The following KLHL5 variants were observed in gnomAD, a reference collection of about 807,000 sequenced individuals.
KLHL5 encodes the protein kelch like family member 5.
A neutral mutation model predicts 77.7 loss-of-function variants in KLHL5; 48 were observed. The observed-to-expected ratio is 0.62, with a 90% confidence interval of 0.49 to 0.79. The LOEUF (loss-of-function observed/expected upper bound fraction) is 0.79, where lower values mean the gene tolerates loss of function less well. Among genes scored for constraint, KLHL5 ranks in the 30% least tolerant of loss-of-function variants. The pLI is 0.00. For synonymous variants in KLHL5, 260 were observed against 297.0 expected, an observed-to-expected ratio of 0.88 and a Z score of 1.28; for missense variants, 723 against 859.7, an observed-to-expected ratio of 0.84 and a Z score of 1.99.
chr4:39,061,373 A>G (rs528557626), upstream of KLHL5, among the ~76,000 whole-genome samples: 2 of 152,312 alleles, frequency 1.3e-5, no homozygotes, highest in African/African-American at 4.8e-5. Context: ...TGAAAACTCA[A>G]ATTCTGCATT....
At chr4:39,131,016 T>C (rs1282794525), downstream of KLHL5, among the ~76,000 whole-genome samples, 4 of 75,846 alleles carry the variant, frequency 5.3e-5, no homozygotes, top group Admixed American at 3.2e-4. Flanking sequence ...CAAATTTTTG[T>C]ATTTTTTTTT....
chr4:39,101,932 A>G (rs1415917623), intron 6 of KLHL5, among the ~76,000 whole-genome samples: 1 of 128,966 alleles, frequency 7.8e-6, no homozygotes, highest in East Asian at 2.2e-4. Flanking sequence ...ACATATATAC[A>G]CACATATATA....
At chr4:39,067,471 A>G (rs1717991143) in intron 1 of KLHL5, among the ~76,000 whole-genome samples, 1 of 152,064 alleles carries the variant, frequency 6.6e-6, no homozygotes, top group Admixed American at 6.6e-5. Flanking sequence ...TAAGTTGTAG[A>G]TTTCATGCTC....
At position 39,115,260 on chromosome 4, in the gene KLHL5, G is replaced by A; in HGVS notation, c.2003G>A (p.Gly668Glu). 6.2e-7 allele frequency: 1 copy of A among 1,614,014 alleles called. No individual in the cohort carries two copies. The highest frequency in any genetic ancestry group is 2.2e-5 in the East Asian group (1 of 44,866). ...CLLGDKLYAV[G>E]GYDGQAYLNT... is the part of the protein sequence containing the mutation. ...CTTGGTGATAAGTTATATGCTGTTG[G>A]GGGGTATGATGGACAGGCATACCTT... is the stretch of plus-strand genomic sequence containing the variant. The change falls in exon 10 of 11, where the codon GGG becomes GAG. Residue 668 changes from glycine to glutamate, a missense_variant. Coordinates refer to ENST00000504108, the MANE Select transcript of KLHL5 (RefSeq NM_015990.5).
intron 1 of KLHL5, among the ~76,000 whole-genome samples, chr4:39,046,260 C>T (rs1422679666): frequency 1.3e-5 from 2 of 151,920 alleles, no homozygotes; most frequent in Non-Finnish European, 2.9e-5. Context: ...AGCAATCTAG[C>T]GACCATGTAG....
rs765251659 is a variant in KLHL5, at chr4:39,123,565, A to G, written c.*2499A>G. On this transcript the variant is annotated 3_prime_UTR_variant, in exon 11 of 11. Transcript: ENST00000504108. The stretch of plus-strand genomic sequence containing the variant: ...GGGATGGTTCTACATACAAATGTCA[A>G]TCGATGTAATAATATACCATATTAA... 3.9e-5 allele frequency among the ~76,000 whole-genome samples: 6 copies of G among 152,230 alleles called. No homozygotes were observed. Among genetic ancestry groups the G allele is most frequent in the Non-Finnish European group, 8.8e-5 (6 of 68,030 alleles).
At chr4:39,087,053 G>A (rs1032744036) in intron 5 of KLHL5, among the ~76,000 whole-genome samples, 4 of 151,836 alleles carry the variant, frequency 2.6e-5, no homozygotes, top group African/African-American at 9.7e-5. Flanking sequence ...TGGGACTACA[G>A]GTGCATGCCA....
intron 1 of KLHL5, among the ~76,000 whole-genome samples, chr4:39,056,593 A>G (rs1177218917): frequency 6.6e-6 from 1 of 152,200 alleles, no homozygotes; most frequent in African/African-American, 2.4e-5. Flanking sequence ...ATAGAATACA[A>G]ACATAACCAA....
intron 1 of KLHL5, among the ~76,000 whole-genome samples, chr4:39,067,476 A>G (rs1408976607): frequency 6.6e-6 from 1 of 152,138 alleles, no homozygotes; most frequent in African/African-American, 2.4e-5. Flanking sequence ...TGTAGATTTC[A>G]TGCTCTTAAC....
At chr4:39,051,733 A>G (rs1716664733) in intron 1 of KLHL5, among the ~76,000 whole-genome samples, 1 of 149,208 alleles carries the variant, frequency 6.7e-6, no homozygotes, top group Non-Finnish European at 1.5e-5. Flanking sequence ...AAACAAACAA[A>G]CCAGGTCCCA....
chr4:39,109,151 G>T (rs4974997), intron 8 of KLHL5, among the ~76,000 whole-genome samples: 80,065 of 151,640 alleles, frequency 0.53, 21,652 homozygotes, highest in Non-Finnish European at 0.59. Context: ...GAAAGTATGC[G>T]GTTGGTTGAA....
At chr4:39,046,051 C>G (rs78998178) in intron 1 of KLHL5, among the ~76,000 whole-genome samples, 3 of 125,782 alleles carry the variant, frequency 2.4e-5, no homozygotes, top group Non-Finnish European at 5.1e-5. Context: ...TTTTTTTTTT[C>G]TGGTTTTCAG....
intron 2 of KLHL5, among the ~76,000 whole-genome samples, chr4:39,078,559 G>T (rs374457066): frequency 8.1e-4 from 123 of 152,224 alleles, no homozygotes; most frequent in African/African-American, 2.9e-3. Flanking sequence ...GCCAGGCGTG[G>T]TGGCGTGAAC....
chr4:39,119,108 A>G (rs1009291518), intron 10 of KLHL5, among the ~76,000 whole-genome samples: 10 of 152,170 alleles, frequency 6.6e-5, no homozygotes, highest in Non-Finnish European at 2.9e-5. Context: ...CCAGTTATAT[A>G]TATGATTTAA....
intron 2 of KLHL5, among the ~76,000 whole-genome samples, chr4:39,076,743 GTTT>G (rs137873302): frequency 2.5e-5 from 3 of 121,186 alleles, no homozygotes; most frequent in Non-Finnish European, 1.7e-5. Context: ...ATTCTCAAAG[GTTT>G]TTTTTTTTTT....
intron 7 of KLHL5, among the ~76,000 whole-genome samples, chr4:39,106,906 T>TA (rs10571577): frequency 5.0e-4 from 74 of 148,198 alleles, no homozygotes; most frequent in African/African-American, 1.4e-3. Context: ...CCTGGCTAAT[T>TA]AAAAAAAAAA....
chr4:39,103,595 G>A (rs932594714), intron 7 of KLHL5, 84 bp downstream of exon 7: 1 of 1,085,506 alleles, frequency 9.2e-7, no homozygotes, highest in Admixed American at 1.8e-5. Context: ...GAGGACCCGT[G>A]TGGCAGCCAC....
chr4:39,127,376 G>A (rs569620573), downstream of KLHL5, among the ~76,000 whole-genome samples: 31 of 152,154 alleles, frequency 2.0e-4, no homozygotes, highest in Non-Finnish European at 2.8e-4. Context: ...TCAGGGAGGC[G>A]TTCACCTTCG....
chr4:39,091,807 A>T (rs927990625), intron 5 of KLHL5, among the ~76,000 whole-genome samples: 11 of 148,446 alleles, frequency 7.4e-5, no homozygotes, highest in African/African-American at 2.7e-4. Context: ...AGTAGCTGAG[A>T]CTACAGTCAC....
Sources: gnomAD v4.1 joint callset for allele counts (sites outside exome capture counted in the v4.1 genomes callset) on GRCh38, gnomAD v4.1.1 for gene constraint, MANE v1.5 for transcripts, NCBI Gene and HGNC (gene_info 2026-07-23, HGNC 2026-07-21) for gene names.